VPS13B: variants seen among roughly 807,000 people sequenced by gnomAD.
VPS13B encodes intermembrane lipid transfer protein VPS13B.
In VPS13B, 285 loss-of-function variants were observed where a neutral mutation model predicts 426.4. The observed-to-expected ratio is 0.67, with a 90% confidence interval of 0.61 to 0.74. The LOEUF (loss-of-function observed/expected upper bound fraction) is 0.74. Among genes scored for constraint, VPS13B ranks in the 30% least tolerant of loss-of-function variants. The pLI is 0.00. For missense variants in VPS13B, 4,537 were observed against 4,782.6 expected (o/e 0.95, Z 1.51); for synonymous variants, 1,676 against 1,676.4 (o/e 1.00, Z 0.01).
At chr8:99,796,046 T>C (rs187527669) in intron 43 of VPS13B, among the ~76,000 whole-genome samples, 122 of 152,138 alleles carry the variant, frequency 8.0e-4, no homozygotes, top group African/African-American at 2.8e-3. Context: ...GGCTGTGAAA[T>C]AGAATGTATT....
intron 43 of VPS13B, among the ~76,000 whole-genome samples, chr8:99,803,852 G>A (rs1158564902): frequency 1.3e-5 from 2 of 152,058 alleles, no homozygotes; most frequent in African/African-American, 4.8e-5. Flanking sequence ...AGAGTATTTT[G>A]GATAGACAAG....
intron 33 of VPS13B, among the ~76,000 whole-genome samples, chr8:99,617,002 G>A (rs1451159091): frequency 2.6e-5 from 4 of 152,282 alleles, no homozygotes; most frequent in African/African-American, 7.2e-5. Context: ...GAGGAGAAAC[G>A]GAGATGTATA....
intron 17 of VPS13B, among the ~76,000 whole-genome samples, chr8:99,237,871 ATTT>A (rs11313632): frequency 7.4e-5 from 11 of 147,742 alleles, no homozygotes; most frequent in African/African-American, 4.9e-5. Flanking sequence ...GGTTGGGGTT[ATTT>A]TTTTTTTTTT....
At chr8:99,506,964 A>G (rs1461808191) in intron 27 of VPS13B, among the ~76,000 whole-genome samples, 173 bp from the exon 28 acceptor site, 2 of 152,244 alleles carry the variant, frequency 1.3e-5, no homozygotes, top group Admixed American at 1.3e-4. Flanking sequence ...CTTATGCAGA[A>G]CTGTCAGAGT....
intron 5 of VPS13B, among the ~76,000 whole-genome samples, chr8:99,107,912 G>A (rs1297094656): frequency 1.3e-5 from 2 of 152,144 alleles, no homozygotes; most frequent in Non-Finnish European, 2.9e-5. Flanking sequence ...ATTGCATGTT[G>A]CATGCATTTG....
In VPS13B at chr8:99,823,939, A is replaced by AC; in HGVS notation, c.9293dup (p.Gln3099ThrfsTer23). 1 of 1,613,328 alleles carries AC rather than the reference A, an allele frequency of 6.2e-7. No individual in the cohort carries two copies. Among genetic ancestry groups the AC allele is most frequent in the Admixed American group, 1.7e-5 (1 of 60,008 alleles). ...ATACACCATATCAAATATTTTATAAACCACAGCTATCTGTCTGCAATCCCC... is the reference window on the plus strand; with the variant it reads ...ATACACCATATCAAATATTTTATAAACCCACAGCTATCTGTCTGCAATCCCC... On this transcript the variant is annotated frameshift_variant, in exon 51 of 62. Coordinates refer to ENST00000357162, the MANE Select transcript of VPS13B (RefSeq NM_152564.5). LOFTEE classifies it high-confidence loss of function.
Position 99,303,730 on chromosome 8 carries a change from C to CAAAAAAAAAAA in VPS13B, c.2824+28487_2824+28497dup, listed in dbSNP as rs58708195. The stretch of plus-strand genomic sequence containing the variant: ...GGTGAGACAGAGTGAGACTCCGTCT[C>CAAAAAAAAAAA]AAAAAAAAAAAAAAAAAAAAAGAAT... On this transcript the variant is annotated intron_variant, in intron 19 of 61. Transcript: ENST00000357162. Among the ~76,000 whole-genome samples the CAAAAAAAAAAA allele has an allele frequency of 1.1e-3, 68 of 63,686 alleles. 8 individuals are homozygous for CAAAAAAAAAAA. The highest frequency in any genetic ancestry group is 0.016 in the Middle Eastern group (1 of 64). 41.8% of individuals were successfully genotyped at this position (63,686 alleles called of 152,430 possible).
At chr8:99,226,007 C>T (rs1012364420) in intron 17 of VPS13B, among the ~76,000 whole-genome samples, 10 of 151,950 alleles carry the variant, frequency 6.6e-5, no homozygotes, top group African/African-American at 1.5e-4. Flanking sequence ...TGCAGTGGTG[C>T]GATCTCAGCT....
intron 24 of VPS13B, among the ~76,000 whole-genome samples, chr8:99,480,795 T>G (rs1819996507): frequency 2.6e-5 from 4 of 152,194 alleles, no homozygotes; most frequent in Admixed American, 2.6e-4. Context: ...GTCCTGGGGC[T>G]GAAACTTTTT....
chr8:99,338,473 A>T (rs1811054726), intron 19 of VPS13B, among the ~76,000 whole-genome samples: 1 of 152,066 alleles, frequency 6.6e-6, no homozygotes, highest in African/African-American at 2.4e-5. Context: ...TTTATATTTC[A>T]AAATTTATAT....
intron 19 of VPS13B, among the ~76,000 whole-genome samples, chr8:99,328,238 A>G (rs1810383014): frequency 1.3e-5 from 2 of 152,154 alleles, no homozygotes; most frequent in South Asian, 2.1e-4. Context: ...TCATCCTGAA[A>G]CAATCGCCAT....
intron 19 of VPS13B, among the ~76,000 whole-genome samples, chr8:99,307,808 G>C (rs1241508500): frequency 6.6e-6 from 1 of 151,888 alleles, no homozygotes; most frequent in African/African-American, 2.4e-5. Flanking sequence ...TTTGGGTTTG[G>C]TTTGTTCTTG....
chr8:99,830,684 A>T (rs1017162176), intron 51 of VPS13B, among the ~76,000 whole-genome samples: 1 of 152,096 alleles, frequency 6.6e-6, no homozygotes, highest in East Asian at 1.9e-4. Flanking sequence ...GTATCTGCCC[A>T]AATGGCCGCC....
intron 61 of VPS13B, chr8:99,875,087 G>T: frequency 5.9e-6 from 2 of 339,044 alleles, no homozygotes; most frequent in East Asian, 7.3e-5. Context: ...TTTTTTCTTG[G>T]GCTGGCTGCT....
At chr8:99,103,493 C>CTTT (rs71273162) in intron 5 of VPS13B, among the ~76,000 whole-genome samples, 54 of 49,526 alleles carry the variant, frequency 1.1e-3, no homozygotes, top group South Asian at 1.3e-3. Flanking sequence ...CTATGCCCGG[C>CTTT]TTTTTTTTTT....
At chr8:99,743,622 G>C (rs1809889875) in intron 39 of VPS13B, among the ~76,000 whole-genome samples, 1 of 152,160 alleles carries the variant, frequency 6.6e-6, no homozygotes, top group African/African-American at 2.4e-5. Context: ...TTCCAAAATA[G>C]AGATACAGAC....
intron 21 of VPS13B, among the ~76,000 whole-genome samples, chr8:99,418,397 A>AT (rs1280073345): frequency 6.7e-6 from 1 of 150,130 alleles, no homozygotes; most frequent in East Asian, 2.0e-4. Context: ...GATATATTGT[A>AT]TTTTAAAAAC....
intron 35 of VPS13B, among the ~76,000 whole-genome samples, chr8:99,690,274 A>G (rs1831596567): frequency 6.6e-6 from 1 of 152,170 alleles, no homozygotes; most frequent in South Asian, 2.1e-4. Flanking sequence ...TTGAACCCCT[A>G]CCTCATACAG....
chr8:99,039,053 A>G (rs1290404574), intron 3 of VPS13B, among the ~76,000 whole-genome samples: 1 of 152,196 alleles, frequency 6.6e-6, no homozygotes, highest in Non-Finnish European at 1.5e-5. Flanking sequence ...TGAATAAAGT[A>G]TGTAAAGGTT....
Sources: allele counts gnomAD v4.1 joint callset (sites outside exome capture counted in the v4.1 genomes callset), GRCh38; gene constraint gnomAD v4.1.1; transcripts MANE v1.5; gene names NCBI Gene and HGNC (gene_info 2026-07-23, HGNC 2026-07-21).